The following SLC44A3 variants were observed in gnomAD, a reference collection of about 807,000 sequenced individuals.
The protein encoded by SLC44A3 is solute carrier family 44 member 3, also known as choline transporter-like protein 3.
A neutral mutation model predicts 75.4 loss-of-function variants in SLC44A3; 74 were observed. The ratio of observed to expected loss-of-function variants is 0.98; its 90% CI spans 0.81 to 1.19. The LOEUF is 1.19. SLC44A3 is among the 50% of genes most tolerant of loss of function. The pLI, the probability that SLC44A3 is intolerant of heterozygous loss-of-function variation, is 0.00. For missense variants in SLC44A3, 700 were observed against 778.6 expected (o/e 0.90, Z 1.20); for synonymous variants, 310 against 296.9 (o/e 1.04, Z -0.45).
In SLC44A3 at chr1:94,828,997, T is replaced by C. The variant is rs887646871; in HGVS notation, c.509+411T>C. 7.9e-5 allele frequency among the ~76,000 whole-genome samples: 12 copies of C among 152,272 alleles called. No homozygotes were observed. The East Asian group carries it at 1.9e-3, about 24-fold the overall frequency. On this transcript the variant is annotated intron_variant, in intron 5 of 14. Transcript: ENST00000271227. ...GGCTCACACCTGCAATCCCAGCATT[T>C]TGGGAGACTGAGCCAGGCGGATCAC...
intron 5 of SLC44A3, among the ~76,000 whole-genome samples, 187 bp downstream of exon 5, chr1:94,828,773 G>A (rs1463186358): frequency 6.6e-6 from 1 of 152,186 alleles, no homozygotes; most frequent in East Asian, 1.9e-4. Flanking sequence ...CCTATGGACA[G>A]TGGATTAGAA....
At chr1:94,824,391 C>A in intron 2 of SLC44A3, 102 bp from the exon 3 acceptor site, 1 of 1,386,136 alleles carries the variant, frequency 7.2e-7, no homozygotes, top group Admixed American at 2.9e-5. Flanking sequence ...TGGAGAGCTT[C>A]ACGTTCCACC....
intron 9 of SLC44A3, among the ~76,000 whole-genome samples, chr1:94,845,786 C>T (rs535219030): frequency 9.5e-4 from 145 of 152,208 alleles, no homozygotes; most frequent in Middle Eastern, 3.4e-3. Context: ...GAGTTTTATC[C>T]AAGGTAATTT....
chr1:94,895,153 T>C lies in SLC44A3; in HGVS notation c.*231T>C. The C allele has an allele frequency of 2.4e-6, 1 of 415,576 alleles. No homozygotes were observed. The highest frequency in any genetic ancestry group is 5.4e-5 in the South Asian group (1 of 18,672). The allele number at this position is 415,576 out of a possible 1,614,324, so 25.7% of individuals were successfully genotyped here. A position where few individuals can be genotyped will look rare whatever the true frequency, so the allele number is the denominator to read the frequency against. On this transcript the variant is annotated 3_prime_UTR_variant, in exon 15 of 15. Coordinates refer to ENST00000271227, the MANE Select transcript of SLC44A3 (RefSeq NM_001114106.3). ...GGACAGAAAAACTCTTCTAAAACCA[T>C]GTTTATATGCATCAACTTACAAAGT...
rs554465562 is a variant in SLC44A3 at position 94,824,389 on chromosome 1, T to G, written c.136-104T>G. ...GCAAAGCGCTATGATGCTGGAGAGC[T>G]TCACGTTCCACCAGGCTCCGTTTTA... On this transcript the variant is annotated intron_variant, in intron 2 of 14. Coordinates refer to ENST00000271227, the MANE Select transcript of SLC44A3 (RefSeq NM_001114106.3). 1.7e-4 allele frequency: 232 copies of G among 1,378,870 alleles called. 1 individual carries two copies. In the African/African-American group the frequency reaches 3.0e-3, roughly 18 times the overall value. The allele number at this position is 1,378,870 out of a possible 1,614,324, so 85.4% of individuals were successfully genotyped here. A position where few individuals can be genotyped will look rare whatever the true frequency, so the allele number is the denominator to read the frequency against.
chr1:94,845,535 C>G, intron 9 of SLC44A3, 71 bp downstream of exon 9: 1 of 1,455,376 alleles, frequency 6.9e-7, no homozygotes, highest in East Asian at 2.3e-5. Context: ...AACCACTGGC[C>G]TGTTTCTGTA....
intron 10 of SLC44A3, among the ~76,000 whole-genome samples, chr1:94,860,671 A>G (rs1280262200): frequency 1.3e-5 from 2 of 152,238 alleles, no homozygotes; most frequent in Non-Finnish European, 1.5e-5. Flanking sequence ...TTGTATAGCC[A>G]GTCTATACCT....
At chr1:94,867,202 G>T in intron 11 of SLC44A3, 129 bp from the exon 12 acceptor site, 1 of 640,796 alleles carries the variant, frequency 1.6e-6, no homozygotes, top group Non-Finnish European at 2.6e-6. Flanking sequence ...GCACACAATA[G>T]AACTTCTCCC....
Position 94,864,873 on chromosome 1 carries a change from T to TA in SLC44A3, c.1370dup (p.Tyr457Ter). 1 of 1,614,002 alleles carries TA rather than the reference T, an allele frequency of 6.2e-7. No homozygotes were observed. Among genetic ancestry groups the TA allele is most frequent in the Non-Finnish European group, 8.5e-7 (1 of 1,179,922 alleles). Residue 457 changes from tyrosine (Y) to a stop codon, truncating the protein, a stop_gained and frameshift_variant, in exon 11 of 15, where the codon TAC (tyrosine) becomes TAAC (stop). Coordinates refer to ENST00000271227, the MANE Select transcript of SLC44A3 (RefSeq NM_001114106.3). LOFTEE classifies it high-confidence loss of function. ...GAGGATTCCGAGAATCATTGTCATG[T>TA]ACATGCAAAACGCACTGAAAGAACA... The part of the protein sequence containing the change: ...VVRIPRIIVM[Y>*]MQNALKEQQH...
rs1241354757 is a variant in SLC44A3, at chr1:94,895,002, A to C, written c.*80A>C. On this transcript the variant is annotated 3_prime_UTR_variant, in exon 15 of 15. Coordinates refer to ENST00000271227, the MANE Select transcript of SLC44A3 (RefSeq NM_001114106.3). ...AGAATAGAAGATGAGACCACTAGAG[A>C]AAAGTTAGTGAATTTTTTTTTAAAA... 8.0e-6 allele frequency: 9 copies of C among 1,122,512 alleles called. No individual in the cohort carries two copies. In the Admixed American group the frequency reaches 2.4e-4, roughly 30 times the overall value. The allele number at this position is 1,122,512 out of a possible 1,614,324, so 69.5% of individuals were successfully genotyped here.
chr1:94,827,368 C>A, intron 3 of SLC44A3, 139 bp from the exon 4 acceptor site: 1 of 1,097,574 alleles, frequency 9.1e-7, no homozygotes, highest in Non-Finnish European at 1.3e-6. Flanking sequence ...CATAAATGTT[C>A]AATTATGCTG....
intron 12 of SLC44A3, among the ~76,000 whole-genome samples, chr1:94,878,744 C>T (rs1431132763): frequency 6.6e-6 from 1 of 152,144 alleles, no homozygotes; most frequent in Non-Finnish European, 1.5e-5. Context: ...GATCTATAGA[C>T]CATGTGAACA....
At chr1:94,827,838 G>T (rs758549849) in intron 4 of SLC44A3, among the ~76,000 whole-genome samples, 195 bp downstream of exon 4, 18 of 152,108 alleles carry the variant, frequency 1.2e-4, no homozygotes, top group Admixed American at 7.2e-4. Flanking sequence ...TTTCTATCTG[G>T]ATTTATCTGA....
Position 94,891,264 on chromosome 1 carries a change from A to G in SLC44A3, c.1617A>G (p.Gly539=). ...NCFGDFIIFL[G]KVLVVCFTVF... is the part of the protein sequence containing the mutation. ...TTGGAGACTTCATAATTTTTCTAGG[A>G]AAGGTGAGATATCTTGACTAAATAA... The change falls in exon 13 of 15, where the codon GGA becomes GGG. Residue 539 remains glycine, a synonymous_variant. Coordinates refer to ENST00000271227, the MANE Select transcript of SLC44A3 (RefSeq NM_001114106.3). The G allele has an allele frequency of 1.2e-6, 2 of 1,604,486 alleles. No homozygotes were observed. Among genetic ancestry groups the G allele is most frequent in the East Asian group, 2.2e-5 (1 of 44,688 alleles).
Position 94,832,671 on chromosome 1 carries a change from ATAATTAAAATGTTCAGCCCAGAC to A in SLC44A3, c.509+4086_509+4108del, listed in dbSNP as rs563368987. On this transcript the variant is annotated intron_variant, in intron 5 of 14. Coordinates refer to ENST00000271227, the MANE Select transcript of SLC44A3 (RefSeq NM_001114106.3). ...AGTTGCAACAGACACTTTCAATTCAATAATTAAAATGTTCAGCCCAGACCAGGCACAGTGGCTCATGCCTGCAA... is the reference window on the plus strand; with the variant it reads ...AGTTGCAACAGACACTTTCAATTCAACAGGCACAGTGGCTCATGCCTGCAA... Among the ~76,000 whole-genome samples, 44 of 152,330 alleles carry A rather than the reference ATAATTAAAATGTTCAGCCCAGAC, an allele frequency of 2.9e-4. 1 individual carries two copies. In the South Asian group the frequency reaches 8.9e-3, roughly 31 times the overall value.
At chr1:94,866,227 A>C (rs979800110) in intron 11 of SLC44A3, among the ~76,000 whole-genome samples, 2 of 152,214 alleles carry the variant, frequency 1.3e-5, no homozygotes, top group Non-Finnish European at 2.9e-5. Flanking sequence ...TCATAAATTA[A>C]TGAGCAGCCG....
chr1:94,857,583 G>C, intron 10 of SLC44A3, 83 bp downstream of exon 10: 1 of 1,377,432 alleles, frequency 7.3e-7, no homozygotes, highest in Non-Finnish European at 9.7e-7. Flanking sequence ...AGATATTTGG[G>C]AATGTTGACC....
At chr1:94,851,430 A>C (rs1665202230) in intron 9 of SLC44A3, among the ~76,000 whole-genome samples, 1 of 152,214 alleles carries the variant, frequency 6.6e-6, no homozygotes, top group South Asian at 2.1e-4. Flanking sequence ...GGAAATATGC[A>C]TCCCTTAGTG....
intron 9 of SLC44A3, among the ~76,000 whole-genome samples, chr1:94,847,229 C>G (rs1222731523): frequency 6.6e-6 from 1 of 152,230 alleles, no homozygotes; most frequent in Non-Finnish European, 1.5e-5. Flanking sequence ...AGGATCCATG[C>G]CAGCCTAGTT....
Sources: allele counts gnomAD v4.1 joint callset (sites outside exome capture counted in the v4.1 genomes callset), GRCh38; gene constraint gnomAD v4.1.1; transcripts MANE v1.5; gene names NCBI Gene and HGNC (gene_info 2026-07-23, HGNC 2026-07-21).